Variants in TMEM132D observed in about 807,000 individuals in gnomAD.
TMEM132D encodes the protein mature OL transmembrane protein.
A neutral mutation model predicts 62.3 loss-of-function variants in TMEM132D; 21 were observed. The ratio of observed to expected loss-of-function variants is 0.34; its 90% CI spans 0.24 to 0.49. TMEM132D has a LOEUF of 0.49. Among genes scored for constraint, TMEM132D ranks in the 20% least tolerant of loss-of-function variants. TMEM132D has a pLI of 0.99. For missense variants in TMEM132D, 1,346 were observed against 1,402.8 expected, an observed-to-expected ratio of 0.96 and a Z score of 0.65; for synonymous variants, 621 against 575.6, an observed-to-expected ratio of 1.08 and a Z score of -1.13.
intron 4 of TMEM132D, among the ~76,000 whole-genome samples, chr12:129,254,881 G>A (rs868189566): frequency 2.0e-5 from 3 of 152,138 alleles, no homozygotes; most frequent in African/African-American, 7.2e-5. Context: ...GTAGTTAGGT[G>A]GTATGATTTG....
chr12:129,424,825 T>A (rs1441152359), intron 3 of TMEM132D, among the ~76,000 whole-genome samples: 1 of 151,980 alleles, frequency 6.6e-6, no homozygotes, highest in Middle Eastern at 3.2e-3. Context: ...CATTATTTAC[T>A]TATTTAAAGC....
intron 3 of TMEM132D, among the ~76,000 whole-genome samples, chr12:129,498,549 A>G (rs981773497): frequency 1.3e-5 from 2 of 152,142 alleles, no homozygotes; most frequent in African/African-American, 4.8e-5. Context: ...CCTGTCCAAA[A>G]TCTTTATGAA....
intron 2 of TMEM132D, among the ~76,000 whole-genome samples, chr12:129,574,972 C>A (rs1301464375): frequency 6.6e-6 from 1 of 151,662 alleles, no homozygotes; most frequent in Admixed American, 6.6e-5. Flanking sequence ...CTTGCAGAGA[C>A]GCAGCCAGAG....
intron 1 of TMEM132D, among the ~76,000 whole-genome samples, chr12:129,800,829 A>T (rs1036905913): frequency 5.3e-5 from 8 of 152,246 alleles, no homozygotes; most frequent in Non-Finnish European, 1.2e-4. Context: ...AGGGAGTGCC[A>T]GACAGTGGGC....
chr12:129,216,332 C>T (rs1879200573), intron 4 of TMEM132D, among the ~76,000 whole-genome samples: 1 of 152,106 alleles, frequency 6.6e-6, no homozygotes, highest in Admixed American at 6.6e-5. Flanking sequence ...TTCATGTCCA[C>T]CTGAATGTGA....
In TMEM132D at chr12:129,800,419, C is replaced by T. The variant is rs76690329; in HGVS notation, c.80-99721G>A. ...GGAGCCATATATTGAGCCTATGATA[C>T]GCCAGGCCCTGGGCTAGATTCAGGT... On this transcript the variant is annotated intron_variant, in intron 1 of 8. Transcript: ENST00000422113. Among the ~76,000 whole-genome samples the T allele has an allele frequency of 3.5e-3, 531 of 151,330 alleles. 1 individual carries two copies. The highest frequency in any genetic ancestry group is 9.2e-3 in the African/African-American group (381 of 41,238).
intron 5 of TMEM132D, among the ~76,000 whole-genome samples, chr12:129,143,756 G>A (rs1876810432): frequency 6.6e-6 from 1 of 152,046 alleles, no homozygotes; most frequent in Non-Finnish European, 1.5e-5. Context: ...TGCCATTTTT[G>A]GGTTCTGAGT....
At chr12:129,305,516 C>T (rs529280790) in intron 4 of TMEM132D, among the ~76,000 whole-genome samples, 8 of 152,180 alleles carry the variant, frequency 5.3e-5, no homozygotes, top group Non-Finnish European at 8.8e-5. Context: ...CCAAAAACCC[C>T]ACATGAAATT....
chr12:129,584,961 C>T (rs545999214), intron 2 of TMEM132D, among the ~76,000 whole-genome samples: 6 of 152,226 alleles, frequency 3.9e-5, no homozygotes, highest in Non-Finnish European at 7.3e-5. Flanking sequence ...ATCTGAGAGA[C>T]TCTGAGCTAC....
chr12:129,671,198 G>A (rs1880491838), intron 2 of TMEM132D, among the ~76,000 whole-genome samples: 1 of 152,108 alleles, frequency 6.6e-6, no homozygotes, highest in South Asian at 2.1e-4. Flanking sequence ...GAGGATAGAA[G>A]TAACTTGTAA....
At chr12:129,593,394 A>G (rs1878247854) in intron 2 of TMEM132D, among the ~76,000 whole-genome samples, 1 of 152,230 alleles carries the variant, frequency 6.6e-6, no homozygotes, top group African/African-American at 2.4e-5. Context: ...TATTACAAGC[A>G]TAGAAGAAAG....
chr12:129,814,387 G>C (rs1189926940), intron 1 of TMEM132D, among the ~76,000 whole-genome samples: 1 of 152,018 alleles, frequency 6.6e-6, no homozygotes, highest in Non-Finnish European at 1.5e-5. Context: ...AGGCAGGCAG[G>C]TCATCCGAGG....
chr12:129,727,869 G>A (rs1024634565), intron 1 of TMEM132D, among the ~76,000 whole-genome samples: 2 of 151,986 alleles, frequency 1.3e-5, no homozygotes, highest in African/African-American at 4.8e-5. Flanking sequence ...CAAAAGCAAG[G>A]AAAAAAGAGA....
intron 5 of TMEM132D, among the ~76,000 whole-genome samples, chr12:129,118,915 G>A (rs61142082): frequency 0.019 from 2,904 of 152,290 alleles, 96 homozygotes; most frequent in African/African-American, 0.067. Flanking sequence ...TGCAGCTCAT[G>A]TGTTCTTTCT....
intron 5 of TMEM132D, among the ~76,000 whole-genome samples, chr12:129,090,018 A>G (rs1490532253): frequency 2.6e-5 from 4 of 152,214 alleles, no homozygotes; most frequent in African/African-American, 9.6e-5. Context: ...AAACATTGTA[A>G]AGAGCATTTC....
At chr12:129,389,203 C>T (rs1223734194) in intron 3 of TMEM132D, among the ~76,000 whole-genome samples, 4 of 151,972 alleles carry the variant, frequency 2.6e-5, no homozygotes. Context: ...ATCACCAAGA[C>T]TAATACATGA....
At chr12:129,492,440 A>G (rs138582984) in intron 3 of TMEM132D, among the ~76,000 whole-genome samples, 1 of 152,362 alleles carries the variant, frequency 6.6e-6, no homozygotes, top group African/African-American at 2.4e-5. Flanking sequence ...AGAACATCTC[A>G]TTAGACATCA....
chr12:129,578,958 A>G (rs922321551), intron 2 of TMEM132D, among the ~76,000 whole-genome samples: 3 of 152,180 alleles, frequency 2.0e-5, no homozygotes, highest in Non-Finnish European at 4.4e-5. Flanking sequence ...TTAACCAGCT[A>G]TCTGGGCATC....
At chr12:129,370,240 A>T (rs533061030) in intron 3 of TMEM132D, among the ~76,000 whole-genome samples, 2 of 152,334 alleles carry the variant, frequency 1.3e-5, no homozygotes, top group South Asian at 4.1e-4. Flanking sequence ...TCTGGTGTGC[A>T]ATGTCTTCAG....
Sources: gnomAD v4.1 joint callset for allele counts (sites outside exome capture counted in the v4.1 genomes callset) on GRCh38, gnomAD v4.1.1 for gene constraint, MANE v1.5 for transcripts, NCBI Gene and HGNC (gene_info 2026-07-23, HGNC 2026-07-21) for gene names.